The following C9orf85 variants were observed in gnomAD, a reference collection of about 807,000 sequenced individuals.
The protein encoded by C9orf85 is uncharacterized protein C9orf85.
Under a neutral mutation model 14.9 loss-of-function variants are expected in C9orf85, and 16 were observed. That is an observed-to-expected ratio of 1.08 (90% CI 0.73 to 1.63). The LOEUF (loss-of-function observed/expected upper bound fraction) is 1.63, where lower values mean the gene tolerates loss of function less well. C9orf85 is among the 40% of genes most tolerant of loss of function. C9orf85 has a pLI of 0.00. For synonymous variants in C9orf85, 45 were observed against 56.8 expected, an observed-to-expected ratio of 0.79 and a Z score of 0.93; for missense variants, 172 against 186.1, an observed-to-expected ratio of 0.92 and a Z score of 0.44.
At chr9:71,972,563 C>A in intron 3 of C9orf85, 129 bp from the exon 4 acceptor site, 1 of 612,938 alleles carries the variant, frequency 1.6e-6, no homozygotes. Context: ...CCAGGTGGAT[C>A]TTTTTCTTTA....
chr9:71,923,425 C>T (rs1034434572), intron 1 of C9orf85, among the ~76,000 whole-genome samples: 4 of 152,132 alleles, frequency 2.6e-5, no homozygotes, highest in Non-Finnish European at 4.4e-5. Flanking sequence ...TATGCCACCA[C>T]GCCTGGCTAA....
chr9:71,932,784 G>A (rs1828101171), intron 1 of C9orf85, among the ~76,000 whole-genome samples: 1 of 152,058 alleles, frequency 6.6e-6, no homozygotes, highest in African/African-American at 2.4e-5. Flanking sequence ...AACAGAAACT[G>A]CCTCTGAAAA....
chr9:71,923,494 C>T (rs1458012322), intron 1 of C9orf85, among the ~76,000 whole-genome samples: 2 of 152,168 alleles, frequency 1.3e-5, no homozygotes, highest in Non-Finnish European at 2.9e-5. Context: ...TCTCGAACTC[C>T]TGACCTTATG....
chr9:71,973,464 T>A (rs1822943369), downstream of C9orf85: 1 of 152,240 alleles, frequency 6.6e-6, no homozygotes, highest in Non-Finnish European at 1.5e-5. Context: ...AAAAGCCCTG[T>A]CGCTTATGTT....
At chr9:71,948,143 G>A (rs1028128143) in intron 2 of C9orf85, among the ~76,000 whole-genome samples, 1 of 152,146 alleles carries the variant, frequency 6.6e-6, no homozygotes, top group Admixed American at 6.5e-5. Flanking sequence ...AATCTATATA[G>A]TAGCTATTTA....
chr9:71,919,784 G>T (rs1827746965), intron 1 of C9orf85, among the ~76,000 whole-genome samples: 1 of 151,598 alleles, frequency 6.6e-6, no homozygotes, highest in Non-Finnish European at 1.5e-5. Flanking sequence ...CTATGCTTGG[G>T]GATGTTCCAT....
chr9:71,928,186 C>CAAAAAAAAAAA (rs58238164), intron 1 of C9orf85, among the ~76,000 whole-genome samples: 39 of 74,276 alleles, frequency 5.3e-4, no homozygotes, highest in African/African-American at 1.8e-3. Context: ...GGCTCTGTCT[C>CAAAAAAAAAAA]AAAAAAAAAA....
At chr9:71,962,553 G>A (rs1033775588) in intron 2 of C9orf85, among the ~76,000 whole-genome samples, 1 of 152,204 alleles carries the variant, frequency 6.6e-6, no homozygotes, top group African/African-American at 2.4e-5. Context: ...TACGACAGGA[G>A]CTAAATTATG....
At chr9:71,930,441 G>A (rs148681036) in intron 1 of C9orf85, among the ~76,000 whole-genome samples, 35 of 151,994 alleles carry the variant, frequency 2.3e-4, no homozygotes, top group African/African-American at 7.5e-4. Flanking sequence ...TTACTCTCCC[G>A]TTAATTATGA....
At chr9:71,946,028 C>T (rs1450249509) in intron 1 of C9orf85, among the ~76,000 whole-genome samples, 1 of 152,074 alleles carries the variant, frequency 6.6e-6, no homozygotes, top group Non-Finnish European at 1.5e-5. Flanking sequence ...CCTTCTTTCC[C>T]AACACATTTT....
At chr9:71,973,791 G>A (rs1274800613), downstream of C9orf85, among the ~76,000 whole-genome samples, 1 of 147,550 alleles carries the variant, frequency 6.8e-6, no homozygotes, top group Non-Finnish European at 1.5e-5. Context: ...GATCATTATT[G>A]TCTTAATTTT....
At chr9:71,961,376 A>G (rs994514682) in intron 2 of C9orf85, among the ~76,000 whole-genome samples, 7 of 151,990 alleles carry the variant, frequency 4.6e-5, no homozygotes, top group African/African-American at 9.7e-5. Flanking sequence ...CCTGGCCAAC[A>G]TAAGTGAAAC....
chr9:71,959,333 C>T (rs572948269), intron 2 of C9orf85, among the ~76,000 whole-genome samples: 1 of 151,964 alleles, frequency 6.6e-6, no homozygotes, highest in Admixed American at 6.6e-5. Context: ...GACAGGGTTT[C>T]TCCATGTTGG....
chr9:71,985,025 C>T (rs1461596596), downstream of C9orf85: 1 of 152,222 alleles, frequency 6.6e-6, no homozygotes, highest in Non-Finnish European at 1.5e-5. Context: ...AAAGGAATTC[C>T]ACAGCCTGTT....
rs907858335 is a variant in C9orf85 at position 71,931,357 on chromosome 9, A to G, written c.103-15649A>G. Among the ~76,000 whole-genome samples, 5 of 152,224 alleles carry G rather than the reference A, an allele frequency of 3.3e-5. No individual in the cohort carries two copies. In the East Asian group the frequency reaches 9.6e-4, roughly 29 times the overall value. ...GACTAATATATCAGATATCTGAAAC[A>G]GTCTCCAGAATGTTTAGTCTGTAAC... On this transcript the variant is annotated intron_variant, in intron 1 of 3. Transcript: ENST00000334731.
rs1827495633 is a variant in C9orf85 at position 71,911,765 on chromosome 9, TCCAGACCTCAGAAGCA to T, written c.37_52del (p.Pro13IlefsTer39). The T allele has an allele frequency of 6.2e-7, 1 of 1,614,028 alleles. No individual in the cohort carries two copies. Among genetic ancestry groups the T allele is most frequent in the Admixed American group, 1.7e-5 (1 of 60,002 alleles). On this transcript the variant is annotated frameshift_variant, in exon 1 of 4. Coordinates refer to ENST00000334731, the MANE Select transcript of C9orf85 (RefSeq NM_182505.5). LOFTEE classifies it high-confidence loss of function. ...CTCCCAGAAAGGCAACGTGGCTCGT[TCCAGACCTCAGAAGCA>T]CCAGAATACGTTTAGCTTCAAAAAT...
chr9:71,982,151 G>T (rs1823107779), intron 3 of C9orf85, among the ~76,000 whole-genome samples: 2 of 151,908 alleles, frequency 1.3e-5, no homozygotes, highest in Admixed American at 6.6e-5. Flanking sequence ...CATAAAATAT[G>T]TAGTCTTTGA....
intron 2 of C9orf85, among the ~76,000 whole-genome samples, chr9:71,963,405 C>T (rs962830903): frequency 2.6e-5 from 4 of 152,122 alleles, no homozygotes; most frequent in Non-Finnish European, 5.9e-5. Context: ...CGCTCGCTCT[C>T]GGTGCCTCCT....
At chr9:71,918,499 C>A in intron 1 of C9orf85, 1 of 1,247,504 alleles carries the variant, frequency 8.0e-7, no homozygotes, top group South Asian at 1.3e-5. Context: ...CCCCCGACCC[C>A]CGCATCGGTC....
Sources: allele counts gnomAD v4.1 joint callset (sites outside exome capture counted in the v4.1 genomes callset), GRCh38; gene constraint gnomAD v4.1.1; transcripts MANE v1.5; gene names NCBI Gene and HGNC (gene_info 2026-07-23, HGNC 2026-07-21).